Variants in SLC2A13 observed in about 807,000 individuals in gnomAD.
The protein encoded by SLC2A13 is solute carrier family 2 member 13, also known as proton myo-inositol cotransporter.
Under a neutral mutation model 64.4 loss-of-function variants are expected in SLC2A13, and 32 were observed. That is an observed-to-expected ratio of 0.50 (90% CI 0.37 to 0.67). The LOEUF is 0.67. Among genes scored for constraint, SLC2A13 ranks in the 30% least tolerant of loss-of-function variants. The pLI, the probability that SLC2A13 is intolerant of heterozygous loss-of-function variation, is 0.00. For missense variants in SLC2A13, 743 were observed against 829.2 expected (o/e 0.90, Z 1.28); for synonymous variants, 338 against 327.1 (o/e 1.03, Z -0.36).
intron 3 of SLC2A13, among the ~76,000 whole-genome samples, chr12:39,980,593 G>C (rs1439930371): frequency 6.6e-6 from 1 of 151,300 alleles, no homozygotes; most frequent in African/African-American, 2.4e-5. Flanking sequence ...TTACATAATG[G>C]TAAAGGGATC....
At chr12:40,037,061 T>C (rs1947999606) in intron 2 of SLC2A13, among the ~76,000 whole-genome samples, 1 of 152,230 alleles carries the variant, frequency 6.6e-6, no homozygotes, top group African/African-American at 2.4e-5. Context: ...TTTTTCCATA[T>C]GCTAAACCAA....
chr12:40,017,977 A>T (rs1330429833), intron 3 of SLC2A13, among the ~76,000 whole-genome samples: 2 of 17,968 alleles, frequency 1.1e-4, no homozygotes, highest in South Asian at 8.8e-4. Flanking sequence ...GCACATATTT[A>T]AAAAAAAAAA....
At chr12:39,866,585 T>C (rs563110703) in intron 5 of SLC2A13, among the ~76,000 whole-genome samples, 2 of 152,194 alleles carry the variant, frequency 1.3e-5, no homozygotes, top group South Asian at 2.1e-4. Flanking sequence ...GTTCACGCCA[T>C]TCTCCTGCCT....
intron 1 of SLC2A13, among the ~76,000 whole-genome samples, chr12:40,059,862 C>T (rs537106852): frequency 6.6e-6 from 1 of 152,222 alleles, no homozygotes; most frequent in South Asian, 2.1e-4. Context: ...AGGGAGGATG[C>T]TCTCTGGACT....
chr12:40,003,159 T>A (rs894239457), intron 3 of SLC2A13, among the ~76,000 whole-genome samples: 1 of 152,178 alleles, frequency 6.6e-6, no homozygotes, highest in Non-Finnish European at 1.5e-5. Flanking sequence ...CCAACACAAC[T>A]ATGTAAATTA....
intron 3 of SLC2A13, among the ~76,000 whole-genome samples, chr12:39,998,209 A>T (rs1340021377): frequency 1.3e-5 from 2 of 152,236 alleles, no homozygotes; most frequent in African/African-American, 4.8e-5. Flanking sequence ...CATAAAAAGG[A>T]ATAAATTAGT....
chr12:40,038,687 T>C (rs1219176413), intron 2 of SLC2A13, among the ~76,000 whole-genome samples: 2 of 141,788 alleles, frequency 1.4e-5, no homozygotes, highest in Non-Finnish European at 3.0e-5. Context: ...GCCATGTTCA[T>C]GCCACTGCAC....
chr12:39,858,347 G>A (rs188995579), intron 6 of SLC2A13, among the ~76,000 whole-genome samples: 127 of 152,052 alleles, frequency 8.4e-4, no homozygotes, highest in African/African-American at 2.9e-3. Flanking sequence ...ATACAACATT[G>A]TTTTCTACTG....
At chr12:39,850,194 GA>G (rs1325134984) in intron 6 of SLC2A13, among the ~76,000 whole-genome samples, 3 of 152,010 alleles carry the variant, frequency 2.0e-5, no homozygotes, top group African/African-American at 7.2e-5. Context: ...GTAGCTACTG[GA>G]ACCGAAAAGG....
At chr12:40,013,459 A>G (rs981863680) in intron 3 of SLC2A13, among the ~76,000 whole-genome samples, 3 of 152,246 alleles carry the variant, frequency 2.0e-5, no homozygotes, top group Non-Finnish European at 2.9e-5. Flanking sequence ...CAGAAGAGGA[A>G]ACAAGCACAG....
At chr12:39,822,016 A>C (rs1022700263) in intron 7 of SLC2A13, among the ~76,000 whole-genome samples, 2 of 151,530 alleles carry the variant, frequency 1.3e-5, no homozygotes, top group Non-Finnish European at 2.9e-5. Flanking sequence ...TGCGCTGCAC[A>C]CACTAACTCG....
intron 3 of SLC2A13, among the ~76,000 whole-genome samples, chr12:39,951,989 G>T (rs1946240890): frequency 6.6e-6 from 1 of 152,090 alleles, no homozygotes; most frequent in Non-Finnish European, 1.5e-5. Flanking sequence ...ACGTGTGTGT[G>T]TGTGTGTATT....
chr12:39,804,830 C>A (rs1592153254), intron 7 of SLC2A13, among the ~76,000 whole-genome samples: 4 of 152,046 alleles, frequency 2.6e-5, no homozygotes, highest in South Asian at 2.1e-4. Flanking sequence ...GAATTATATA[C>A]CCTAAAGAGA....
chr12:39,783,315 G>A (rs1335378553), intron 7 of SLC2A13, among the ~76,000 whole-genome samples: 3 of 152,160 alleles, frequency 2.0e-5, no homozygotes, highest in African/African-American at 4.8e-5. Flanking sequence ...ATTGTGAATA[G>A]TGCCGCAATA....
At chr12:39,968,175 A>G (rs1487077863) in intron 3 of SLC2A13, among the ~76,000 whole-genome samples, 2 of 152,174 alleles carry the variant, frequency 1.3e-5, no homozygotes, top group Non-Finnish European at 2.9e-5. Flanking sequence ...GGAAACTTAC[A>G]ATCATGGCAG....
chr12:40,041,187 T>A (rs1015495991), intron 2 of SLC2A13, among the ~76,000 whole-genome samples: 2 of 152,164 alleles, frequency 1.3e-5, no homozygotes, highest in Admixed American at 6.5e-5. Flanking sequence ...AGGCTTTCAA[T>A]AAACAAACCC....
intron 4 of SLC2A13, among the ~76,000 whole-genome samples, chr12:39,903,376 T>G (rs1169635803): frequency 6.6e-6 from 1 of 152,126 alleles, no homozygotes; most frequent in East Asian, 1.9e-4. Context: ...TTCATAAAAT[T>G]TATCAGGTAA....
chr12:39,889,561 TCTCA>T (rs1043162086), intron 4 of SLC2A13, among the ~76,000 whole-genome samples: 7 of 137,576 alleles, frequency 5.1e-5, no homozygotes, highest in Non-Finnish European at 4.6e-5. Context: ...TGAGACCAAG[TCTCA>T]CTCTGTCACT....
intron 3 of SLC2A13, among the ~76,000 whole-genome samples, chr12:39,983,022 C>T (rs1360956719): frequency 8.8e-5 from 13 of 147,322 alleles, no homozygotes; most frequent in African/African-American, 2.5e-4. Context: ...GAAATAACGC[C>T]GCATACCTAC....
Sources: allele counts gnomAD v4.1 joint callset (sites outside exome capture counted in the v4.1 genomes callset), GRCh38; gene constraint gnomAD v4.1.1; transcripts MANE v1.5; gene names NCBI Gene and HGNC (gene_info 2026-07-23, HGNC 2026-07-21).